EXOC4: variants seen among roughly 807,000 people sequenced by gnomAD.
EXOC4 encodes the protein exocyst complex component 4.
In EXOC4, 71 loss-of-function variants were observed where a neutral mutation model predicts 107.2. The observed-to-expected ratio is 0.66, with a 90% CI of 0.55 to 0.81. The LOEUF (loss-of-function observed/expected upper bound fraction) is 0.81, where lower values mean the gene tolerates loss of function less well. Among genes scored for constraint, EXOC4 ranks in the 30% least tolerant of loss-of-function variants. The probability of loss-of-function intolerance (pLI) is 0.00; values close to 1 mark genes in which losing one functional copy is unlikely to be tolerated. For synonymous variants in EXOC4, 456 were observed against 441.2 expected (o/e 1.03, Z -0.42); for missense variants, 1,108 against 1,189.6 (o/e 0.93, Z 1.01).
At chr7:133,783,827 TG>T (rs1344789258) in intron 10 of EXOC4, among the ~76,000 whole-genome samples, 1 of 152,208 alleles carries the variant, frequency 6.6e-6, no homozygotes, top group Non-Finnish European at 1.5e-5. Flanking sequence ...TTTCAAACTT[TG>T]CCAGACTCTT....
At chr7:133,796,091 A>G (rs1467799993) in intron 10 of EXOC4, among the ~76,000 whole-genome samples, 1 of 152,164 alleles carries the variant, frequency 6.6e-6, no homozygotes, top group African/African-American at 2.4e-5. Context: ...TAAAATTCTT[A>G]TGATTGGGTC....
At chr7:133,424,537 G>A (rs1291623758) in intron 7 of EXOC4, among the ~76,000 whole-genome samples, 17 of 151,858 alleles carry the variant, frequency 1.1e-4, no homozygotes, top group Non-Finnish European at 2.9e-5. Flanking sequence ...CTTCATTCTT[G>A]AAGTCAGCAA....
intron 7 of EXOC4, among the ~76,000 whole-genome samples, chr7:133,399,530 G>C (rs985702967): frequency 6.6e-6 from 1 of 152,208 alleles, no homozygotes; most frequent in Non-Finnish European, 1.5e-5. Context: ...TTCATGCTCA[G>C]ATGTTGCTTC....
intron 11 of EXOC4, among the ~76,000 whole-genome samples, chr7:133,818,741 T>C (rs1190261869): frequency 6.6e-6 from 1 of 152,094 alleles, no homozygotes; most frequent in Non-Finnish European, 1.5e-5. Context: ...TCTCTGGGTG[T>C]CACTTAAAAT....
At chr7:133,812,470 T>A (rs1797256609) in intron 10 of EXOC4, among the ~76,000 whole-genome samples, 1 of 152,124 alleles carries the variant, frequency 6.6e-6, no homozygotes, top group Non-Finnish European at 1.5e-5. Context: ...ACCACTCTCC[T>A]TCTCTAAGTC....
intron 9 of EXOC4, among the ~76,000 whole-genome samples, chr7:133,574,243 G>A (rs958718750): frequency 6.6e-6 from 1 of 151,942 alleles, no homozygotes; most frequent in Non-Finnish European, 1.5e-5. Flanking sequence ...ATGTATACAT[G>A]CATAATCATA....
At chr7:133,648,853 C>T (rs550116267) in intron 10 of EXOC4, among the ~76,000 whole-genome samples, 27 of 152,240 alleles carry the variant, frequency 1.8e-4, no homozygotes, top group Middle Eastern at 3.4e-3. Context: ...AAAACAATGT[C>T]GGCAACAATT....
chr7:133,446,296 C>T (rs888225315), intron 7 of EXOC4, among the ~76,000 whole-genome samples: 3 of 152,098 alleles, frequency 2.0e-5, no homozygotes, highest in South Asian at 2.1e-4. Flanking sequence ...TTCTTATTTA[C>T]GAGGGAGACT....
chr7:134,024,974 G>T (rs1279807935), intron 17 of EXOC4, among the ~76,000 whole-genome samples: 1 of 152,164 alleles, frequency 6.6e-6, no homozygotes, highest in Non-Finnish European at 1.5e-5. Context: ...AACTATCTTT[G>T]AAGAGTGATT....
intron 11 of EXOC4, among the ~76,000 whole-genome samples, chr7:133,848,580 C>G (rs1045763196): frequency 6.6e-6 from 1 of 152,196 alleles, no homozygotes; most frequent in Admixed American, 6.5e-5. Context: ...GTTATTGTCC[C>G]TGAATGCACA....
chr7:133,795,602 C>A (rs949731469), intron 10 of EXOC4, among the ~76,000 whole-genome samples: 1 of 152,256 alleles, frequency 6.6e-6, no homozygotes, highest in African/African-American at 2.4e-5. Context: ...AATTCACAGT[C>A]CAGATTCTTT....
intron 7 of EXOC4, among the ~76,000 whole-genome samples, chr7:133,425,500 T>TG (rs1280888930): frequency 6.6e-6 from 1 of 152,108 alleles, no homozygotes. Flanking sequence ...TTGCCCAGGC[T>TG]GGTCTCGAAC....
In EXOC4 at chr7:134,007,685, A is replaced by G. The variant is rs1794672964; in HGVS notation, c.2537A>G (p.His846Arg). 6.2e-7 allele frequency: 1 copy of G among 1,613,164 alleles called. No individual in the cohort carries two copies. Among genetic ancestry groups the G allele is most frequent in the Non-Finnish European group, 8.5e-7 (1 of 1,179,484 alleles). Reference sequence around the variant, plus strand: ...TGTGCTGACCCCTCAGGCCTGGGCCACCTGATCTCCTGCATCCTCATTAAT... The same window carrying G: ...TGTGCTGACCCCTCAGGCCTGGGCCGCCTGATCTCCTGCATCCTCATTAAT... ...KFQYIFEGLG[H>R]LISCILINGA... is the part of the protein sequence containing the mutation. Residue 846 changes from histidine (H) to arginine (R), a missense_variant, in exon 17 of 18, where the codon CAC becomes CGC. By Grantham distance (29) the His-to-Arg change is conservative (BLOSUM62 0). Transcript: ENST00000253861.
chr7:133,712,196 C>A (rs888009016), intron 10 of EXOC4, among the ~76,000 whole-genome samples: 2 of 152,016 alleles, frequency 1.3e-5, no homozygotes, highest in African/African-American at 4.8e-5. Flanking sequence ...TCCCAGCACT[C>A]TGGGAGGCCG....
intron 7 of EXOC4, among the ~76,000 whole-genome samples, chr7:133,380,679 A>G (rs2150700074): frequency 6.6e-6 from 1 of 152,300 alleles, no homozygotes; most frequent in East Asian, 1.9e-4. Flanking sequence ...GATGAATTTA[A>G]GACACTAAAA....
intron 13 of EXOC4, among the ~76,000 whole-genome samples, chr7:133,929,770 G>T (rs745683488): frequency 5.3e-5 from 8 of 151,864 alleles, no homozygotes; most frequent in African/African-American, 1.9e-4. Context: ...CCTTCTTTGC[G>T]TCAATGTGTA....
chr7:133,838,417 T>A (rs1797961806), intron 11 of EXOC4, among the ~76,000 whole-genome samples: 1 of 152,216 alleles, frequency 6.6e-6, no homozygotes, highest in South Asian at 2.1e-4. Flanking sequence ...TGTAATCCAC[T>A]TCCTTTTCTC....
In EXOC4 at chr7:133,609,292, G is replaced by A. The variant is rs1802024015; in HGVS notation, c.1418-20753G>A. On this transcript the variant is annotated intron_variant, in intron 9 of 17. Coordinates refer to ENST00000253861, the MANE Select transcript of EXOC4 (RefSeq NM_021807.4). ...CTTCCTATTATTTTATGTGTGGACT[G>A]TTTCCATACTTAAATTGAACTTGTA... is the stretch of plus-strand genomic sequence containing the variant. Among the ~76,000 whole-genome samples, 3 of 152,186 alleles carry A rather than the reference G, an allele frequency of 2.0e-5. No individual in the cohort carries two copies. The South Asian group carries it at 6.2e-4, about 31-fold the overall frequency.
chr7:133,275,394 A>G (rs980945167), intron 2 of EXOC4, among the ~76,000 whole-genome samples: 1 of 152,048 alleles, frequency 6.6e-6, no homozygotes, highest in Non-Finnish European at 1.5e-5. Flanking sequence ...TGGTTCTGCC[A>G]TTATTTCTCA....
Sources: allele counts gnomAD v4.1 joint callset (sites outside exome capture counted in the v4.1 genomes callset), GRCh38; gene constraint gnomAD v4.1.1; transcripts MANE v1.5; gene names NCBI Gene and HGNC (gene_info 2026-07-23, HGNC 2026-07-21).